Variants in CCT4 observed in about 807,000 individuals in gnomAD.
The protein encoded by CCT4 is T-complex protein 1 subunit delta.
A neutral mutation model predicts 62.5 loss-of-function variants in CCT4; 17 were observed. That is an observed-to-expected ratio of 0.27 (90% CI 0.19 to 0.41). CCT4 has a LOEUF of 0.41. Among genes scored for constraint, CCT4 ranks in the 10% least tolerant of loss-of-function variants. CCT4 has a pLI of 1.00. For missense variants in CCT4, 592 were observed against 659.2 expected, an observed-to-expected ratio of 0.90 and a Z score of 1.12; for synonymous variants, 250 against 229.9, an observed-to-expected ratio of 1.09 and a Z score of -0.79.
rs1174987874 is a variant in CCT4 at position 61,872,127 on chromosome 2, G to A, written c.1446C>T (p.Asn482=). ...NPISTVTELR[N]RHAQGEKTAG... ...CAGTTTTTTCTCCCTGGGCATGCCG[G>A]TTTCTTAGTTCTGTTACTGTAGAAA... Residue 482 remains asparagine (N), a synonymous_variant, in exon 12 of 14, where the codon AAC becomes AAT. Coordinates refer to ENST00000394440, the MANE Select transcript of CCT4 (RefSeq NM_006430.4). 4 of 1,613,892 alleles carry A rather than the reference G, an allele frequency of 2.5e-6. No individual in the cohort carries two copies. The highest frequency in any genetic ancestry group is 3.4e-6 in the Non-Finnish European group (4 of 1,179,916).
In CCT4 at chr2:61,888,362, C is replaced by T. The variant is rs1669309093; in HGVS notation, c.127+19G>A. On this transcript the variant is annotated intron_variant, in intron 1 of 13. Transcript: ENST00000394440. ...AGCACAACCCCGCGGCGCCGCGGGT[C>T]AGGCCATGAGAGTGATACCTTTGGC... The T allele has an allele frequency of 6.2e-7, 1 of 1,605,500 alleles. No individual in the cohort carries two copies. Among genetic ancestry groups the T allele is most frequent in the Non-Finnish European group, 8.5e-7 (1 of 1,175,570 alleles).
chr2:61,872,861 A>G (rs1031445483), intron 10 of CCT4, 141 bp downstream of exon 10: 44 of 689,312 alleles, frequency 6.4e-5, no homozygotes, highest in Middle Eastern at 4.1e-4. Flanking sequence ...CGGGAGGCGG[A>G]GCTTGTAGTG....
intron 13 of CCT4, chr2:61,868,964 G>C: frequency 2.6e-6 from 1 of 391,254 alleles, no homozygotes; most frequent in South Asian, 2.5e-5. Context: ...GTGAAACCCC[G>C]TCTCTACTAA....
chr2:61,876,064 TAA>T, intron 8 of CCT4, 29 bp downstream of exon 8: 1 of 1,467,892 alleles, frequency 6.8e-7, no homozygotes. Context: ...AAATTATCAT[TAA>T]GGGATGAACA....
intron 12 of CCT4, among the ~76,000 whole-genome samples, chr2:61,869,898 C>T (rs1668849086): frequency 6.7e-6 from 1 of 150,004 alleles, no homozygotes; most frequent in Non-Finnish European, 1.5e-5. Flanking sequence ...TCCCAAAGTG[C>T]TGGGATTACA....
At chr2:61,868,994 G>C (rs1353386261) in intron 13 of CCT4, 1 of 363,320 alleles carries the variant, frequency 2.8e-6, no homozygotes, top group Non-Finnish European at 5.2e-6. Flanking sequence ...AATTAGCTGG[G>C]TGTGGTGGCA....
intron 3 of CCT4, 55 bp from the exon 4 acceptor site, chr2:61,880,449 C>T (rs879582043): frequency 4.5e-6 from 4 of 894,116 alleles, no homozygotes; most frequent in Non-Finnish European, 7.3e-6. Flanking sequence ...AACCCAGTAA[C>T]ACCTAATTCA....
intron 1 of CCT4, among the ~76,000 whole-genome samples, chr2:61,886,665 GTTCT>G (rs776576986): frequency 2.1e-4 from 32 of 152,100 alleles, no homozygotes; most frequent in African/African-American, 4.6e-4. Flanking sequence ...TGTTGTTTCA[GTTCT>G]TTGTCTGCTT....
chr2:61,871,223 A>G (rs1403773623), intron 12 of CCT4, among the ~76,000 whole-genome samples: 1 of 151,708 alleles, frequency 6.6e-6, no homozygotes, highest in African/African-American at 2.4e-5. Flanking sequence ...TTTTTAGTAG[A>G]GACGGAATTT....
At chr2:61,876,772 C>T (rs991122075) in intron 7 of CCT4, 148 bp downstream of exon 7, 36 of 651,014 alleles carry the variant, frequency 5.5e-5, no homozygotes, top group Non-Finnish European at 8.4e-5. Context: ...ACTTGTGGCA[C>T]CAACAATTAC....
chr2:61,874,389 G>A (rs527991734), intron 8 of CCT4, among the ~76,000 whole-genome samples: 2 of 152,230 alleles, frequency 1.3e-5, no homozygotes, highest in Non-Finnish European at 2.9e-5. Context: ...GGAGGCCAAG[G>A]GGGGGCAGAC....
chr2:61,888,218 G>C (rs1669304104), intron 1 of CCT4, 163 bp downstream of exon 1: 4 of 838,664 alleles, frequency 4.8e-6, no homozygotes, highest in African/African-American at 3.5e-5. Flanking sequence ...GCGATCATCG[G>C]CAGAAAAACA....
At chr2:61,879,044 T>TG in intron 4 of CCT4, 33 bp from the exon 5 acceptor site, 2 of 1,532,888 alleles carry the variant, frequency 1.3e-6, no homozygotes, top group Non-Finnish European at 1.8e-6. Context: ...TATTTAATTG[T>TG]AACAGGTAAA....
rs1014741639 is a variant in CCT4, at chr2:61,875,603, T to A, written c.917+492A>T. 1.7e-3 allele frequency among the ~76,000 whole-genome samples: 248 copies of A among 142,474 alleles called. 1 individual carries two copies. Among genetic ancestry groups the A allele is most frequent in the African/African-American group, 5.9e-3 (230 of 38,866 alleles). 93.5% of individuals were successfully genotyped at this position (142,474 alleles called of 152,430 possible). A position where few individuals can be genotyped will look rare whatever the true frequency, so the allele number is the denominator to read the frequency against. On this transcript the variant is annotated intron_variant, in intron 8 of 13. Coordinates refer to ENST00000394440, the MANE Select transcript of CCT4 (RefSeq NM_006430.4). Reference sequence around the variant, plus strand: ...GTCTCAAAAAAAAAAAAAAAAAAATTAAAAAAAATTGCTATTAGAAGTGTG... The same window carrying A: ...GTCTCAAAAAAAAAAAAAAAAAAATAAAAAAAAATTGCTATTAGAAGTGTG...
intron 2 of CCT4, among the ~76,000 whole-genome samples, chr2:61,884,650 T>TA (rs944225869): frequency 7.3e-5 from 11 of 150,680 alleles, no homozygotes; most frequent in South Asian, 4.2e-4. Context: ...TTTTTTGAGA[T>TA]AGAGTTTTGC....
At chr2:61,877,580 C>T in intron 5 of CCT4, 66 bp from the exon 6 acceptor site, 2 of 1,223,550 alleles carry the variant, frequency 1.6e-6, no homozygotes, top group African/African-American at 1.6e-5. Flanking sequence ...TTTTCAATGA[C>T]AAAGATACTT....
intron 12 of CCT4, among the ~76,000 whole-genome samples, chr2:61,871,038 T>C (rs1348904464): frequency 6.6e-6 from 1 of 150,824 alleles, no homozygotes; most frequent in African/African-American, 2.4e-5. Flanking sequence ...ATAGTTTTTT[T>C]TTTTTTTTTT....
rs747739071 is a variant in CCT4 at position 61,877,010 on chromosome 2, G to A, written c.687C>T (p.Leu229=). The A allele has an allele frequency of 2.5e-6, 4 of 1,613,526 alleles. No homozygotes were observed. The South Asian group carries it at 3.3e-5, about 13-fold the overall frequency. ...DDCELVEGLV[L]TQKVSNSGIT... ...TGCCAGAATTTGACACTTTTTGGGT[G>A]AGAACCAGCCCTTCCACCAACTCAC... is the stretch of plus-strand genomic sequence containing the variant. The change falls in exon 7 of 14, where the codon CTC becomes CTT. Residue 229 remains leucine (L), a synonymous_variant. Coordinates refer to ENST00000394440, the MANE Select transcript of CCT4 (RefSeq NM_006430.4).
intron 2 of CCT4, 27 bp downstream of exon 2, chr2:61,884,993 G>C: frequency 6.5e-7 from 1 of 1,538,746 alleles, no homozygotes. Context: ...TGCTCAATTA[G>C]TAGTATTCAA....
Sources: allele counts gnomAD v4.1 joint callset (sites outside exome capture counted in the v4.1 genomes callset), GRCh38; gene constraint gnomAD v4.1.1; transcripts MANE v1.5; gene names NCBI Gene and HGNC (gene_info 2026-07-23, HGNC 2026-07-21).